Variants in GLRA3 observed in about 807,000 individuals in gnomAD.
GLRA3 encodes glycine receptor subunit alpha-3.
In GLRA3, 44 loss-of-function variants were observed where a neutral mutation model predicts 60.4. The observed-to-expected ratio is 0.73, with a 90% CI of 0.57 to 0.94. The LOEUF (loss-of-function observed/expected upper bound fraction) is 0.94, where lower values mean the gene tolerates loss of function less well. GLRA3 is among the 40% of genes least tolerant of loss of function. The pLI is 0.00. For synonymous variants in GLRA3, 223 were observed against 192.9 expected (o/e 1.16, Z -1.29); for missense variants, 508 against 564.6 (o/e 0.90, Z 1.02).
chr4:174,688,518 C>T (rs1347893752), intron 5 of GLRA3, among the ~76,000 whole-genome samples: 1 of 150,068 alleles, frequency 6.7e-6, no homozygotes, highest in East Asian at 2.0e-4. Flanking sequence ...ATGTGGCCAG[C>T]ATATAGCAGG....
chr4:174,823,868 A>C (rs1740851422), intron 1 of GLRA3, among the ~76,000 whole-genome samples: 1 of 152,224 alleles, frequency 6.6e-6, no homozygotes, highest in South Asian at 2.1e-4. Context: ...TAAATAGCAT[A>C]AAACTGTGAT....
intron 7 of GLRA3, among the ~76,000 whole-genome samples, chr4:174,674,317 C>A (rs1414309640): frequency 1.3e-5 from 2 of 152,112 alleles, no homozygotes; most frequent in African/African-American, 4.8e-5. Flanking sequence ...GTTACACAAC[C>A]TTGAAAATTT....
At position 174,642,111 on chromosome 4, in the gene GLRA3, G is replaced by T; in HGVS notation, c.*1675C>A. The T allele has an allele frequency of 3.4e-6, 3 of 893,752 alleles. No homozygotes were observed. Among genetic ancestry groups the T allele is most frequent in the Non-Finnish European group, 4.0e-6 (3 of 746,472 alleles). 55.4% of individuals were successfully genotyped at this position (893,752 alleles called of 1,614,324 possible). On this transcript the variant is annotated 3_prime_UTR_variant, in exon 10 of 10. Transcript: ENST00000274093. ...TGTTTTAAGTTACTTATAAAGGAGG[G>T]GAACTTGGTCTTTTACTAGCAAAAA...
At chr4:174,731,541 A>G (rs1736548304) in intron 3 of GLRA3, among the ~76,000 whole-genome samples, 1 of 152,214 alleles carries the variant, frequency 6.6e-6, no homozygotes, top group African/African-American at 2.4e-5. Context: ...TAAAAGTTCA[A>G]ATATGATGGG....
intron 5 of GLRA3, among the ~76,000 whole-genome samples, chr4:174,700,601 G>A (rs540982362): frequency 6.6e-6 from 1 of 152,260 alleles, no homozygotes; most frequent in South Asian, 2.1e-4. Flanking sequence ...TAGTGAGGAA[G>A]GTATGTTGGA....
chr4:174,778,913 C>G (rs1738738363), intron 2 of GLRA3, among the ~76,000 whole-genome samples: 1 of 152,214 alleles, frequency 6.6e-6, no homozygotes. Context: ...CGCCATTGCC[C>G]AGGCTTGCTT....
intron 7 of GLRA3, among the ~76,000 whole-genome samples, chr4:174,660,419 T>C (rs1733390574): frequency 1.3e-5 from 2 of 152,162 alleles, no homozygotes; most frequent in Non-Finnish European, 2.9e-5. Flanking sequence ...GTTTGCCTGA[T>C]ATTTCCTCAT....
intron 1 of GLRA3, among the ~76,000 whole-genome samples, chr4:174,819,717 A>G (rs1169516931): frequency 6.6e-6 from 1 of 152,230 alleles, no homozygotes; most frequent in Admixed American, 6.5e-5. Context: ...TAATACATAA[A>G]TGTATGTAAA....
chr4:174,717,913 T>C lies in GLRA3; in HGVS notation c.492-2343A>G, dbSNP rs113345538. 8.6e-3 allele frequency among the ~76,000 whole-genome samples: 1,317 copies of C among 152,302 alleles called. 19 individuals are homozygous for C. Among genetic ancestry groups the C allele is most frequent in the African/African-American group, 0.029 (1,217 of 41,568 alleles). Reference sequence around the variant, plus strand: ...TCAAATGTTGACTTGCAGAATTAATTCTGTGACCTTTTGTTTGGAAGTAAA... The same window carrying C: ...TCAAATGTTGACTTGCAGAATTAATCCTGTGACCTTTTGTTTGGAAGTAAA... On this transcript the variant is annotated intron_variant, in intron 4 of 9. Transcript: ENST00000274093.
intron 9 of GLRA3, among the ~76,000 whole-genome samples, chr4:174,653,094 AC>A (rs1408914780): frequency 6.6e-6 from 1 of 152,092 alleles, no homozygotes; most frequent in African/African-American, 2.4e-5. Flanking sequence ...TTTGCCAAAT[AC>A]TTTTTTGTAA....
chr4:174,772,149 A>G (rs1170279088), intron 2 of GLRA3, among the ~76,000 whole-genome samples: 2 of 152,206 alleles, frequency 1.3e-5, no homozygotes, highest in Admixed American at 1.3e-4. Flanking sequence ...AATACAGAAA[A>G]TAACATCATT....
At chr4:174,706,161 C>T (rs1038703324) in intron 5 of GLRA3, among the ~76,000 whole-genome samples, 1 of 151,320 alleles carries the variant, frequency 6.6e-6, no homozygotes, top group African/African-American at 2.4e-5. Context: ...ACCCGGGAGG[C>T]AGAGCTTGCA....
intron 1 of GLRA3, among the ~76,000 whole-genome samples, chr4:174,794,507 C>G (rs765022093): frequency 6.6e-6 from 1 of 152,044 alleles, no homozygotes; most frequent in Non-Finnish European, 1.5e-5. Flanking sequence ...ACACCACACA[C>G]TATGCTCACT....
chr4:174,688,358 T>TC (rs1734637536), intron 5 of GLRA3, among the ~76,000 whole-genome samples: 1 of 130,404 alleles, frequency 7.7e-6, no homozygotes, highest in African/African-American at 2.8e-5. Flanking sequence ...TATATATATA[T>TC]ATATATATAT....
At chr4:174,818,580 T>G (rs1225378739) in intron 1 of GLRA3, among the ~76,000 whole-genome samples, 1 of 152,174 alleles carries the variant, frequency 6.6e-6, no homozygotes, top group Non-Finnish European at 1.5e-5. Flanking sequence ...ATTTAAGATT[T>G]GCAGGAAGAG....
chr4:174,701,362 T>G (rs1249176499), intron 5 of GLRA3, among the ~76,000 whole-genome samples: 1 of 152,216 alleles, frequency 6.6e-6, no homozygotes, highest in Non-Finnish European at 1.5e-5. Context: ...AGTTGAGACC[T>G]ATTGCTCAGA....
intron 2 of GLRA3, among the ~76,000 whole-genome samples, chr4:174,778,427 A>G (rs1352006835): frequency 6.6e-6 from 1 of 151,996 alleles, no homozygotes; most frequent in Middle Eastern, 3.4e-3. Context: ...AGCTAACCAG[A>G]TCTGATGTGA....
chr4:174,649,528 C>T (rs769536473), intron 9 of GLRA3, among the ~76,000 whole-genome samples: 7 of 152,092 alleles, frequency 4.6e-5, no homozygotes, highest in Non-Finnish European at 1.0e-4. Flanking sequence ...TTGCCTAACT[C>T]GTCCTTTTTA....
At chr4:174,645,687 A>C (rs1445540247) in intron 9 of GLRA3, among the ~76,000 whole-genome samples, 1 of 152,192 alleles carries the variant, frequency 6.6e-6, no homozygotes, top group Non-Finnish European at 1.5e-5. Flanking sequence ...TTGAGGACAC[A>C]AGTTTGAAAG....
Sources: gnomAD v4.1 joint callset for allele counts (sites outside exome capture counted in the v4.1 genomes callset) on GRCh38, gnomAD v4.1.1 for gene constraint, MANE v1.5 for transcripts, NCBI Gene and HGNC (gene_info 2026-07-23, HGNC 2026-07-21) for gene names.